TRPV5: variants seen among roughly 807,000 people sequenced by gnomAD.
TRPV5 encodes calcium transport protein 2.
TRPV5 carries 66 observed loss-of-function variants against 74.1 expected under a neutral mutation model. That is an observed-to-expected ratio of 0.89 (90% CI 0.73 to 1.09). The LOEUF (loss-of-function observed/expected upper bound fraction) is 1.09. Among genes scored for constraint, TRPV5 ranks in the 50% least tolerant of loss-of-function variants. The pLI is 0.00. For missense variants in TRPV5, 936 were observed against 930.4 expected, an observed-to-expected ratio of 1.01 and a Z score of -0.08; for synonymous variants, 399 against 360.7, an observed-to-expected ratio of 1.11 and a Z score of -1.20.
chr7:142,917,359 A>T (rs888215349), intron 8 of TRPV5, among the ~76,000 whole-genome samples: 1 of 152,180 alleles, frequency 6.6e-6, no homozygotes. Context: ...GTCTATAAAA[A>T]TATTTTTATT....
intron 12 of TRPV5, 80 bp downstream of exon 12, chr7:142,914,560 A>T: frequency 8.3e-7 from 1 of 1,202,126 alleles, no homozygotes; most frequent in Non-Finnish European, 1.2e-6. Context: ...AGTGCAAATG[A>T]GAACTGAGAG....
chr7:142,908,845 G>T, intron 14 of TRPV5, 37 bp from the exon 15 acceptor site: 1 of 1,585,666 alleles, frequency 6.3e-7, no homozygotes. Context: ...CAATCCAGGT[G>T]GGGAGACATG....
intron 8 of TRPV5, among the ~76,000 whole-genome samples, chr7:142,924,267 T>TAC (rs1224496854): frequency 2.2e-5 from 2 of 91,020 alleles, no homozygotes; most frequent in African/African-American, 1.6e-4. Flanking sequence ...TATATATACA[T>TAC]ATATATATAT....
At chr7:142,913,290 G>C (rs1229948693) in intron 12 of TRPV5, among the ~76,000 whole-genome samples, 1 of 152,128 alleles carries the variant, frequency 6.6e-6, no homozygotes, top group Non-Finnish European at 1.5e-5. Context: ...GCTTAGGGTG[G>C]AGCCTACTGG....
chr7:142,930,399 G>A lies in TRPV5; in HGVS notation c.176C>T (p.Ser59Phe). The change falls in exon 2 of 15, where the codon TCT becomes TTT. Residue 59 changes from serine (S) to phenylalanine (F), a missense_variant. Ser to Phe is a radical substitution (Grantham distance 155). Transcript: ENST00000265310. ...GTCCAGTAGAAGTTGCCTAAGAACAGACAGGTCATTTTCCTTGGATGCTCG... is the reference window on the plus strand; with the variant it reads ...GTCCAGTAGAAGTTGCCTAAGAACAAACAGGTCATTTTCCTTGGATGCTCG... The part of the protein sequence containing the change: ...LLRASKENDL[S>F]VLRQLLLDCT... 6.2e-7 allele frequency: 1 copy of A among 1,614,192 alleles called. No individual in the cohort carries two copies. The highest frequency in any genetic ancestry group is 8.5e-7 in the Non-Finnish European group (1 of 1,180,038).
chr7:142,913,692 T>C (rs1297025987), intron 12 of TRPV5, among the ~76,000 whole-genome samples: 1 of 152,168 alleles, frequency 6.6e-6, no homozygotes, highest in Non-Finnish European at 1.5e-5. Flanking sequence ...GTTTTGTTTG[T>C]TTTTTGTTTT....
At position 142,925,593 on chromosome 7, in the gene TRPV5, T is replaced by C. The variant is rs1451229889; in HGVS notation, c.1058A>G (p.Lys353Arg). The C allele has an allele frequency of 6.2e-7, 1 of 1,614,076 alleles. No homozygotes were observed. Among genetic ancestry groups the C allele is most frequent in the Non-Finnish European group, 8.5e-7 (1 of 1,180,008 alleles). ...FTTCCVYRPL[K>R]FRGGNRTHSR... ...ATGAGTGCGGTTGCCACCACGAAAC[T>C]TAAGGGGGCGGTAGACGCAGCACGT... The change falls in exon 8 of 15, where the codon AAG becomes AGG. Residue 353 changes from lysine (K) to arginine (R), a missense_variant. Coordinates refer to ENST00000265310, the MANE Select transcript of TRPV5 (RefSeq NM_019841.7).
intron 8 of TRPV5, among the ~76,000 whole-genome samples, chr7:142,918,428 T>C (rs1431410105): frequency 6.6e-6 from 1 of 152,264 alleles, no homozygotes; most frequent in African/African-American, 2.4e-5. Flanking sequence ...CCATGCCATC[T>C]ACCATCTAGT....
At chr7:142,924,949 C>T (rs1795958517) in intron 8 of TRPV5, 1 of 159,000 alleles carries the variant, frequency 6.3e-6, no homozygotes, top group Non-Finnish European at 1.4e-5. Flanking sequence ...CCTTGGCCAC[C>T]ACAACACAGA....
At chr7:142,914,530 A>AC (rs1442051841) in intron 12 of TRPV5, 110 bp downstream of exon 12, 24 of 1,026,356 alleles carry the variant, frequency 2.3e-5, no homozygotes, top group African/African-American at 5.1e-5. Context: ...AAACAAACAA[A>AC]AAAAAAGAAA....
chr7:142,921,606 T>C (rs1439885158), intron 8 of TRPV5, among the ~76,000 whole-genome samples: 1 of 152,134 alleles, frequency 6.6e-6, no homozygotes, highest in African/African-American at 2.4e-5. Flanking sequence ...TGCTAAACTG[T>C]AATAGCCTCC....
intron 8 of TRPV5, among the ~76,000 whole-genome samples, chr7:142,916,892 C>T (rs1795809860): frequency 4.3e-5 from 6 of 140,254 alleles, no homozygotes; most frequent in African/African-American, 5.2e-5. Context: ...TCAGTCAACA[C>T]TTTTTTTTTT....
chr7:142,918,733 T>C (rs4252470), intron 8 of TRPV5, among the ~76,000 whole-genome samples: 2,480 of 152,280 alleles, frequency 0.016, 59 homozygotes, highest in African/African-American at 0.056. Flanking sequence ...AAAGAAAAAC[T>C]GGTTGTCCCC....
chr7:142,928,251 A>G lies in TRPV5; in HGVS notation c.763-17T>C, dbSNP rs745797013. 1 of 1,614,116 alleles carries G rather than the reference A, an allele frequency of 6.2e-7. No homozygotes were observed. The highest frequency in any genetic ancestry group is 8.5e-7 in the Non-Finnish European group (1 of 1,179,994). On this transcript the variant is annotated splice_polypyrimidine_tract_variant and intron_variant, in intron 6 of 14. Transcript: ENST00000265310. ...CTGGAACATCTGAGAGACCACCAGG[A>G]TGAGTCAGGGGGCCAACGTGTGAGA... is the stretch of plus-strand genomic sequence containing the variant.
chr7:142,928,572 A>G, intron 6 of TRPV5, 119 bp downstream of exon 6: 1 of 1,372,344 alleles, frequency 7.3e-7, no homozygotes, highest in Non-Finnish European at 9.8e-7. Flanking sequence ...CCCTTTGGGG[A>G]GTTTGGGGAA....
Position 142,908,445 on chromosome 7 carries a change from A to G in TRPV5, c.*69T>C. 1 of 1,548,254 alleles carries G rather than the reference A, an allele frequency of 6.5e-7. No individual in the cohort carries two copies. The highest frequency in any genetic ancestry group is 1.7e-5 in the Admixed American group (1 of 58,282). ...ACAGAAGTTAGACACTTGCATAGGCAGAGGTCTCCGTCTCTGTCCCCGCCC... is the reference window on the plus strand; with the variant it reads ...ACAGAAGTTAGACACTTGCATAGGCGGAGGTCTCCGTCTCTGTCCCCGCCC... On this transcript the variant is annotated 3_prime_UTR_variant, in exon 15 of 15. Coordinates refer to ENST00000265310, the MANE Select transcript of TRPV5 (RefSeq NM_019841.7).
At position 142,914,763 on chromosome 7, in the gene TRPV5, C is replaced by A; in HGVS notation, c.1453-57G>T. On this transcript the variant is annotated intron_variant, in intron 11 of 14. Transcript: ENST00000265310. ...TGATTCCTTTTCCACTGCTTTTGAG[C>A]AGCTAACGCTAACAGATCAAGAGGC... The A allele has an allele frequency of 2.5e-6, 4 of 1,607,804 alleles. No homozygotes were observed. The South Asian group carries it at 4.4e-5, about 18-fold the overall frequency.
At chr7:142,927,534 A>G (rs1054939521) in intron 7 of TRPV5, among the ~76,000 whole-genome samples, 2 of 152,166 alleles carry the variant, frequency 1.3e-5, no homozygotes, top group African/African-American at 2.4e-5. Flanking sequence ...GAAACGTACA[A>G]TCATGGCAAA....
At position 142,908,472 on chromosome 7, in the gene TRPV5, C is replaced by G. The variant is rs771249271; in HGVS notation, c.*42G>C. 3.1e-6 allele frequency: 5 copies of G among 1,602,904 alleles called. No homozygotes were observed. The highest frequency in any genetic ancestry group is 4.3e-6 in the Non-Finnish European group (5 of 1,171,498). On this transcript the variant is annotated 3_prime_UTR_variant, in exon 15 of 15. Coordinates refer to ENST00000265310, the MANE Select transcript of TRPV5 (RefSeq NM_019841.7). ...AGGTCTCCGTCTCTGTCCCCGCCCC[C>G]AGGCCAACCGGGAGTAAGGTCAAGA...
Sources: gnomAD v4.1 joint callset for allele counts (sites outside exome capture counted in the v4.1 genomes callset) on GRCh38, gnomAD v4.1.1 for gene constraint, MANE v1.5 for transcripts, NCBI Gene and HGNC (gene_info 2026-07-23, HGNC 2026-07-21) for gene names.